PATJ: variants seen among roughly 807,000 people sequenced by gnomAD.
PATJ encodes the protein PATJ crumbs cell polarity complex component, also known as inaD-like protein.
A neutral mutation model predicts 224.9 loss-of-function variants in PATJ; 190 were observed. That is an observed-to-expected ratio of 0.84 (90% confidence interval 0.75 to 0.95). PATJ has a LOEUF of 0.95. Among genes scored for constraint, PATJ ranks in the 40% least tolerant of loss-of-function variants. The pLI is 0.00. For synonymous variants in PATJ, 769 were observed against 820.3 expected (o/e 0.94, Z 1.07); for missense variants, 2,121 against 2,270.3 (o/e 0.93, Z 1.34).
chr1:61,781,268 A>G (rs569770738), intron 7 of PATJ, among the ~76,000 whole-genome samples: 1 of 152,338 alleles, frequency 6.6e-6, no homozygotes, highest in African/African-American at 2.4e-5. Flanking sequence ...CTCTAGGAAC[A>G]AGAGAGCTAT....
chr1:61,948,110 C>T (rs1679043614), intron 27 of PATJ, among the ~76,000 whole-genome samples: 1 of 152,146 alleles, frequency 6.6e-6, no homozygotes, highest in African/African-American at 2.4e-5. Flanking sequence ...CATAAAAACC[C>T]TAGAAGAAAA....
chr1:61,755,078 C>A (rs1315800082), intron 1 of PATJ, among the ~76,000 whole-genome samples: 1 of 151,760 alleles, frequency 6.6e-6, no homozygotes, highest in East Asian at 1.9e-4. Flanking sequence ...GAGGCCGAGG[C>A]GGGTTGGTCA....
In PATJ at chr1:62,014,158, C is replaced by T. The variant is rs144372849; in HGVS notation, c.3868-3698C>T. 1.5e-3 allele frequency among the ~76,000 whole-genome samples: 225 copies of T among 152,222 alleles called. 1 individual carries two copies. The highest frequency in any genetic ancestry group is 6.8e-3 in the Middle Eastern group (2 of 294). On this transcript the variant is annotated intron_variant, in intron 28 of 43. Coordinates refer to ENST00000642238, the MANE Select transcript of PATJ (RefSeq NM_001350145.3). ...GCAGTCTTTAACTCCTGGACTGAAGCGATCCTCCCACCTCAGCTTCCTCTG... is the reference window on the plus strand; with the variant it reads ...GCAGTCTTTAACTCCTGGACTGAAGTGATCCTCCCACCTCAGCTTCCTCTG...
At chr1:62,072,056 C>G (rs956388705) in intron 31 of PATJ, among the ~76,000 whole-genome samples, 7 of 151,978 alleles carry the variant, frequency 4.6e-5, no homozygotes, top group Non-Finnish European at 8.8e-5. Flanking sequence ...GATAATTTCC[C>G]CTGAAAATGT....
At chr1:61,968,252 T>C (rs1682442862) in intron 27 of PATJ, among the ~76,000 whole-genome samples, 1 of 152,204 alleles carries the variant, frequency 6.6e-6, no homozygotes, top group Non-Finnish European at 1.5e-5. Context: ...TTTAGGTGTA[T>C]GGGATAGATG....
chr1:62,021,537 C>G (rs1445130033), intron 29 of PATJ, among the ~76,000 whole-genome samples: 1 of 152,024 alleles, frequency 6.6e-6, no homozygotes, highest in Non-Finnish European at 1.5e-5. Context: ...TACTTATTGT[C>G]CAAAATCAAC....
intron 31 of PATJ, among the ~76,000 whole-genome samples, chr1:62,062,645 AC>A (rs1298482102): frequency 6.6e-6 from 1 of 150,754 alleles, no homozygotes; most frequent in Non-Finnish European, 1.5e-5. Context: ...CTATAGGCGC[AC>A]CACCACACTT....
At chr1:61,766,707 A>G (rs10889254) in intron 4 of PATJ, among the ~76,000 whole-genome samples, 1 of 151,602 alleles carries the variant, frequency 6.6e-6, no homozygotes, top group Non-Finnish European at 1.5e-5. Flanking sequence ...AGAGCTTTTT[A>G]AAAAAAAATT....
At chr1:61,872,865 C>T (rs908000701) in intron 20 of PATJ, among the ~76,000 whole-genome samples, 9 of 152,174 alleles carry the variant, frequency 5.9e-5, no homozygotes, top group Admixed American at 1.3e-4. Context: ...TTACTACCTG[C>T]GTGCCAATCA....
intron 1 of PATJ, among the ~76,000 whole-genome samples, chr1:61,751,001 CTT>C (rs753746478): frequency 1.1e-4 from 15 of 137,840 alleles, no homozygotes; most frequent in Non-Finnish European, 7.9e-5. Context: ...TTTTATTTTA[CTT>C]TTTTTTTTTT....
chr1:62,054,340 G>A, intron 31 of PATJ: 1 of 439,832 alleles, frequency 2.3e-6, no homozygotes, highest in Non-Finnish European at 4.6e-6. Flanking sequence ...TCCAGCCTGG[G>A]TGACAGAGTG....
chr1:62,007,159 C>T (rs1249834797), intron 28 of PATJ, among the ~76,000 whole-genome samples: 2 of 152,114 alleles, frequency 1.3e-5, no homozygotes, highest in African/African-American at 4.8e-5. Flanking sequence ...TCTTCAGTAT[C>T]CAGAGCTACT....
intron 1 of PATJ, among the ~76,000 whole-genome samples, chr1:61,758,068 CT>C (rs1158672229): frequency 4.6e-5 from 7 of 152,186 alleles, no homozygotes; most frequent in African/African-American, 1.7e-4. Flanking sequence ...GGATTAACTT[CT>C]CTGTGTTAAT....
intron 27 of PATJ, among the ~76,000 whole-genome samples, chr1:61,932,302 C>G (rs1676151156): frequency 1.3e-5 from 2 of 152,156 alleles, no homozygotes; most frequent in South Asian, 4.1e-4. Context: ...ACTCTGAAAA[C>G]CGAAACCACT....
intron 15 of PATJ, among the ~76,000 whole-genome samples, chr1:61,825,628 C>G (rs1241719286): frequency 6.6e-6 from 1 of 152,034 alleles, no homozygotes; most frequent in Admixed American, 6.6e-5. Context: ...AGCTATAAAT[C>G]CCCTTAGATA....
At chr1:61,910,536 CTTTTTTTTTTTTT>C (rs71050181) in intron 25 of PATJ, among the ~76,000 whole-genome samples, 9 of 42,238 alleles carry the variant, frequency 2.1e-4, no homozygotes, top group Admixed American at 4.0e-4. Flanking sequence ...CAAAGTGACT[CTTTTTTTTTTTTT>C]TTTTTTTTTT....
At chr1:61,974,573 A>G (rs1644023506) in intron 27 of PATJ, among the ~76,000 whole-genome samples, 1 of 151,810 alleles carries the variant, frequency 6.6e-6, no homozygotes, top group Non-Finnish European at 1.5e-5. Context: ...ACTGTACTCC[A>G]TCCAGGGTGA....
chr1:61,785,111 T>A (rs569128708), intron 7 of PATJ, among the ~76,000 whole-genome samples: 39 of 152,336 alleles, frequency 2.6e-4, no homozygotes, highest in African/African-American at 7.7e-4. Context: ...AAGGGTTTTT[T>A]AAAAAACTTC....
chr1:62,057,904 T>A (rs1046557233), intron 31 of PATJ, among the ~76,000 whole-genome samples: 5 of 152,254 alleles, frequency 3.3e-5, no homozygotes, highest in Non-Finnish European at 7.3e-5. Context: ...TCCCTCATTT[T>A]GTACAACTGC....
Sources: allele counts gnomAD v4.1 joint callset (sites outside exome capture counted in the v4.1 genomes callset), GRCh38; gene constraint gnomAD v4.1.1; transcripts MANE v1.5; gene names NCBI Gene and HGNC (gene_info 2026-07-23, HGNC 2026-07-21).